Variants in KCNH7 observed in about 807,000 individuals in gnomAD.
KCNH7 encodes potassium voltage-gated channel subfamily H member 7, also known as voltage-gated inwardly rectifying potassium channel KCNH7.
KCNH7 carries 49 observed loss-of-function variants against 120.8 expected under a neutral mutation model. That is an observed-to-expected ratio of 0.41 (90% CI 0.32 to 0.51). The LOEUF (loss-of-function observed/expected upper bound fraction) is 0.51, where lower values mean the gene tolerates loss of function less well. Among genes scored for constraint, KCNH7 ranks in the 20% least tolerant of loss-of-function variants. KCNH7 has a pLI of 0.38. For missense variants in KCNH7, 1,097 were observed against 1,446.6 expected, an observed-to-expected ratio of 0.76 and a Z score of 3.92; for synonymous variants, 547 against 516.1, an observed-to-expected ratio of 1.06 and a Z score of -0.81.
chr2:162,383,129 C>T (rs1453694107), intron 13 of KCNH7, among the ~76,000 whole-genome samples: 1 of 151,732 alleles, frequency 6.6e-6, no homozygotes, highest in African/African-American at 2.4e-5. Flanking sequence ...CAGAAAATCC[C>T]CAAATTATAT....
At chr2:162,529,511 C>T (rs1691841544) in intron 3 of KCNH7, among the ~76,000 whole-genome samples, 1 of 151,688 alleles carries the variant, frequency 6.6e-6, no homozygotes, top group Non-Finnish European at 1.5e-5. Flanking sequence ...TAGATTCATG[C>T]TATAGAAGAC....
chr2:162,567,943 G>A (rs888451164), intron 2 of KCNH7, among the ~76,000 whole-genome samples: 33 of 151,936 alleles, frequency 2.2e-4, no homozygotes, highest in African/African-American at 7.7e-4. Context: ...ATTACATACA[G>A]TATGCAGAAG....
chr2:162,563,384 T>C (rs1173161315), intron 2 of KCNH7, among the ~76,000 whole-genome samples: 1 of 152,218 alleles, frequency 6.6e-6, no homozygotes, highest in Non-Finnish European at 1.5e-5. Context: ...GTATTGTATT[T>C]CTTGATTAAC....
At chr2:162,518,695 A>G (rs2105786933) in intron 3 of KCNH7, among the ~76,000 whole-genome samples, 1 of 151,830 alleles carries the variant, frequency 6.6e-6, no homozygotes, top group South Asian at 2.1e-4. Flanking sequence ...TTTGGGTGGG[A>G]AAAGTGGGGT....
chr2:162,450,658 T>G (rs1236085987), intron 6 of KCNH7, among the ~76,000 whole-genome samples: 2 of 152,000 alleles, frequency 1.3e-5, no homozygotes, highest in Non-Finnish European at 2.9e-5. Flanking sequence ...ATTTTGAAGA[T>G]TTTTCAGGAC....
chr2:162,540,714 T>G (rs1692274849), intron 2 of KCNH7, among the ~76,000 whole-genome samples: 1 of 152,082 alleles, frequency 6.6e-6, no homozygotes, highest in South Asian at 2.1e-4. Flanking sequence ...AGAATGGATC[T>G]GAAGCTTTTC....
chr2:162,751,140 T>A (rs1004472350), intron 2 of KCNH7, among the ~76,000 whole-genome samples: 1 of 152,118 alleles, frequency 6.6e-6, no homozygotes, highest in African/African-American at 2.4e-5. Flanking sequence ...ATGTCTTGGG[T>A]TTCTTATCTC....
chr2:162,517,951 T>C lies in KCNH7; in HGVS notation c.671A>G (p.Lys224Arg). The C allele has an allele frequency of 6.2e-7, 1 of 1,612,450 alleles. No individual in the cohort carries two copies. Among genetic ancestry groups the C allele is most frequent in the South Asian group, 1.1e-5 (1 of 91,054 alleles). ...GGATATATTCACCAAGGGAGAACAT[T>C]TGCTGGGCTGTATCAAAGCTTTTGT... Reference protein sequence around the residue: ...DDTKALIQPSKCSPLVNISGP... With the variant: ...DDTKALIQPSRCSPLVNISGP... The change falls in exon 4 of 16, where the codon AAA becomes AGA. Residue 224 changes from lysine (K) to arginine (R), a missense_variant. Physicochemically the swap from Lys to Arg is conservative, Grantham distance 26 (BLOSUM62 2). Coordinates refer to ENST00000332142, the MANE Select transcript of KCNH7 (RefSeq NM_033272.4).
chr2:162,793,456 TA>T (rs138233465), intron 2 of KCNH7, among the ~76,000 whole-genome samples: 5,352 of 150,240 alleles, frequency 0.036, 307 homozygotes, highest in African/African-American at 0.12. Context: ...AAATAAAAGT[TA>T]AAAAAAAAGA....
chr2:162,583,191 A>C (rs1429963511), intron 2 of KCNH7, among the ~76,000 whole-genome samples: 1 of 152,098 alleles, frequency 6.6e-6, no homozygotes, highest in African/African-American at 2.4e-5. Flanking sequence ...ATTTTTATTT[A>C]TCAGAATCTA....
intron 2 of KCNH7, among the ~76,000 whole-genome samples, chr2:162,778,210 A>C (rs564603029): frequency 6.6e-6 from 1 of 152,286 alleles, no homozygotes; most frequent in African/African-American, 2.4e-5. Context: ...TCAGTGCTCT[A>C]TATATACATT....
intron 6 of KCNH7, among the ~76,000 whole-genome samples, chr2:162,494,207 T>C (rs975603413): frequency 1.3e-5 from 2 of 152,178 alleles, no homozygotes; most frequent in African/African-American, 2.4e-5. Flanking sequence ...GATTTTCATG[T>C]AATAGTAAAG....
intron 2 of KCNH7, among the ~76,000 whole-genome samples, chr2:162,792,737 T>C (rs1683998153): frequency 1.4e-5 from 2 of 144,216 alleles, no homozygotes; most frequent in Non-Finnish European, 3.0e-5. Context: ...AAAACCCAGC[T>C]CCTGGATTTG....
chr2:162,488,418 C>T (rs1472091920), intron 6 of KCNH7, among the ~76,000 whole-genome samples: 1 of 152,058 alleles, frequency 6.6e-6, no homozygotes, highest in African/African-American at 2.4e-5. Flanking sequence ...GCCTCAGATA[C>T]AAAAACTCCT....
chr2:162,521,841 A>G (rs565637702), intron 3 of KCNH7, among the ~76,000 whole-genome samples: 2 of 151,936 alleles, frequency 1.3e-5, no homozygotes, highest in East Asian at 2.0e-4. Flanking sequence ...CAAACACAAG[A>G]TCTAATTCCT....
At chr2:162,656,731 A>G (rs1684776338) in intron 2 of KCNH7, among the ~76,000 whole-genome samples, 1 of 152,234 alleles carries the variant, frequency 6.6e-6, no homozygotes, top group South Asian at 2.1e-4. Flanking sequence ...AGCATATTGC[A>G]TCAATGATTA....
chr2:162,782,704 T>C (rs777895021), intron 2 of KCNH7, among the ~76,000 whole-genome samples: 1 of 152,146 alleles, frequency 6.6e-6, no homozygotes, highest in Non-Finnish European at 1.5e-5. Flanking sequence ...AAGCAATGAT[T>C]CTGAGCATGT....
chr2:162,443,789 T>TA (rs1320297895), intron 7 of KCNH7, among the ~76,000 whole-genome samples: 1 of 152,160 alleles, frequency 6.6e-6, no homozygotes, highest in Non-Finnish European at 1.5e-5. Context: ...CCAGAATAAG[T>TA]AAGAAATCCC....
In KCNH7 at chr2:162,595,859, T is replaced by C. The variant is rs141694821; in HGVS notation, c.308-58779A>G. 3.3e-5 allele frequency among the ~76,000 whole-genome samples: 5 copies of C among 151,626 alleles called. No homozygotes were observed. In the East Asian group the frequency reaches 7.8e-4, roughly 24 times the overall value. On this transcript the variant is annotated intron_variant, in intron 2 of 15. Transcript: ENST00000332142. ...GAAATGTTAGAACAGCGAAATAAAT[T>C]GAGTAAAATCACGGGTTACAAAATC...
Sources: allele counts gnomAD v4.1 joint callset (sites outside exome capture counted in the v4.1 genomes callset), GRCh38; gene constraint gnomAD v4.1.1; transcripts MANE v1.5; gene names NCBI Gene and HGNC (gene_info 2026-07-23, HGNC 2026-07-21).